Variants in DOCK8 observed in about 807,000 individuals in gnomAD.
DOCK8 encodes dedicator of cytokinesis protein 8.
A neutral mutation model predicts 245.6 loss-of-function variants in DOCK8; 141 were observed. The observed-to-expected ratio is 0.57, with a 90% confidence interval of 0.50 to 0.66. The LOEUF (loss-of-function observed/expected upper bound fraction) is 0.66. Ranked by LOEUF, DOCK8 falls within the 30% of genes least tolerant of loss-of-function variation. The probability of loss-of-function intolerance (pLI) is 0.00; values close to 1 mark genes in which losing one functional copy is unlikely to be tolerated. For synonymous variants in DOCK8, 1,168 were observed against 970.2 expected (o/e 1.20, Z -3.79); for missense variants, 2,965 against 2,603.4 (o/e 1.14, Z -3.02).
intron 26 of DOCK8, among the ~76,000 whole-genome samples, chr9:400,674 T>C (rs1345959637): frequency 8.5e-4 from 8 of 9,364 alleles, no homozygotes; most frequent in East Asian, 4.0e-3. Flanking sequence ...ACCAGCATCT[T>C]CACCATCACC....
At chr9:365,892 A>G (rs1032079025) in intron 14 of DOCK8, 11 of 322,734 alleles carry the variant, frequency 3.4e-5, no homozygotes, top group Non-Finnish European at 6.7e-5. Context: ...GTCTTCCATC[A>G]TCATTTACTA....
At chr9:356,316 C>T (rs574940781) in intron 14 of DOCK8, among the ~76,000 whole-genome samples, 3 of 152,050 alleles carry the variant, frequency 2.0e-5, no homozygotes, top group Admixed American at 6.5e-5. Flanking sequence ...ATCACGAGGT[C>T]AGGAGATTGA....
At chr9:451,046 C>T (rs2057414913) in intron 45 of DOCK8, among the ~76,000 whole-genome samples, 2 of 152,118 alleles carry the variant, frequency 1.3e-5, no homozygotes. Flanking sequence ...GGCTCAGTGG[C>T]TCATGCCTAT....
In DOCK8 at chr9:432,307, A is replaced by T. The variant is rs753993550; in HGVS notation, c.4768A>T (p.Thr1590Ser). The stretch of plus-strand genomic sequence containing the variant: ...AGAAGAGGACACAGCCATGCAGATG[A>T]CTCCTTTTCCCACCCAGGTACACCG... ...YSEEDTAMQM[T>S]PFPTQVEELL... The change falls in exon 37 of 48, where the codon ACT (threonine) becomes TCT (serine). Residue 1590 changes from threonine to serine, a missense_variant. Coordinates refer to ENST00000432829, the MANE Select transcript of DOCK8 (RefSeq NM_203447.4). 2.6e-5 allele frequency: 42 copies of T among 1,613,402 alleles called. No individual in the cohort carries two copies. Among genetic ancestry groups the T allele is most frequent in the Non-Finnish European group, 3.3e-5 (39 of 1,179,890 alleles).
At position 372,275 on chromosome 9, in the gene DOCK8, C is replaced by T; in HGVS notation, c.2098C>T (p.His700Tyr). 6.2e-7 allele frequency: 1 copy of T among 1,613,680 alleles called. No individual in the cohort carries two copies. The highest frequency in any genetic ancestry group is 8.5e-7 in the Non-Finnish European group (1 of 1,179,674). Reference protein sequence around the residue: ...LEKLPPNYSMHSAEKVPLQNP... With the variant: ...LEKLPPNYSMYSAEKVPLQNP... Reference sequence around the variant, plus strand: ...AAAATTGCCACCCAACTACTCCATGCATTCTGCTGAGGTAATTGGCAAGCT... The same window carrying T: ...AAAATTGCCACCCAACTACTCCATGTATTCTGCTGAGGTAATTGGCAAGCT... Residue 700 changes from histidine to tyrosine, a missense_variant, in exon 18 of 48, where the codon CAT (histidine) becomes TAT (tyrosine). Physicochemically the swap from His to Tyr is moderately conservative, Grantham distance 83. Transcript: ENST00000432829.
chr9:248,504 C>T (rs576486239), intron 1 of DOCK8, among the ~76,000 whole-genome samples: 1 of 151,602 alleles, frequency 6.6e-6, no homozygotes, highest in African/African-American at 2.4e-5. Context: ...TCCTTCCTTG[C>T]CTCCTTCCAT....
Position 405,081 on chromosome 9 carries a change from AAG to A in DOCK8, c.3390+10_3390+11del. Reference sequence around the variant, plus strand: ...CCTTCCATATCTTCCCAGGTAATAAAAGAATTATTTAACTAAAAGAATTATTC... The same window carrying A: ...CCTTCCATATCTTCCCAGGTAATAAAAATTATTTAACTAAAAGAATTATTC... On this transcript the variant is annotated intron_variant, in intron 27 of 47. Transcript: ENST00000432829. 1 of 1,610,460 alleles carries A rather than the reference AAG, an allele frequency of 6.2e-7. No homozygotes were observed. Among genetic ancestry groups the A allele is most frequent in the Non-Finnish European group, 8.5e-7 (1 of 1,177,284 alleles).
Position 464,204 on chromosome 9 carries a change from G to A in DOCK8, c.6285G>A (p.Leu2095=). The A allele has an allele frequency of 6.2e-7, 1 of 1,614,000 alleles. No individual in the cohort carries two copies. The highest frequency in any genetic ancestry group is 8.5e-7 in the Non-Finnish European group (1 of 1,179,884). Residue 2095 remains leucine (L), a synonymous_variant, in exon 48 of 48, where the codon TTG becomes TTA. Transcript: ENST00000432829. ...GTTTCAGGAAATGTGAAACCCAGTT[G>A]TCACAGGGCAGCTAAGAAAAGCCAT... ...RSSFRKCETQ[L]SQGS
chr9:274,574 A>C (rs999202138), intron 2 of DOCK8, among the ~76,000 whole-genome samples: 1 of 151,390 alleles, frequency 6.6e-6, no homozygotes, highest in African/African-American at 2.4e-5. Context: ...TGTCAGAATG[A>C]AGTGGCTGTT....
chr9:426,821 T>A, intron 33 of DOCK8, 64 bp from the exon 34 acceptor site: 15 of 1,294,260 alleles, frequency 1.2e-5, no homozygotes, highest in Non-Finnish European at 1.7e-5. Flanking sequence ...GTGTATAGAT[T>A]GCCATCATGG....
At chr9:428,972 A>G (rs10465087) in intron 35 of DOCK8, among the ~76,000 whole-genome samples, 85,998 of 152,030 alleles carry the variant, frequency 0.57, 26,795 homozygotes, top group East Asian at 0.98. Flanking sequence ...TTATTTATTT[A>G]TTTATTTATT....
At chr9:327,492 C>A (rs1208996613) in intron 8 of DOCK8, among the ~76,000 whole-genome samples, 2 of 150,074 alleles carry the variant, frequency 1.3e-5, no homozygotes, top group Non-Finnish European at 2.9e-5. Flanking sequence ...CTCCCGGGTT[C>A]AAGTGATCCA....
chr9:397,232 A>G (rs1014157894), intron 25 of DOCK8, among the ~76,000 whole-genome samples: 1 of 151,650 alleles, frequency 6.6e-6, no homozygotes, highest in East Asian at 1.9e-4. Flanking sequence ...CATATCTGTA[A>G]TCCCAGCAAC....
chr9:424,313 C>T (rs1049239241), intron 33 of DOCK8, among the ~76,000 whole-genome samples: 2 of 152,098 alleles, frequency 1.3e-5, no homozygotes, highest in Non-Finnish European at 2.9e-5. Context: ...TCCAGCAGGA[C>T]CCAGAAATCA....
chr9:427,500 T>C (rs977061542), intron 34 of DOCK8, among the ~76,000 whole-genome samples: 2 of 152,238 alleles, frequency 1.3e-5, no homozygotes, highest in Non-Finnish European at 2.9e-5. Context: ...TAGAAAAATA[T>C]AGCTTTGTGA....
intron 26 of DOCK8, among the ~76,000 whole-genome samples, chr9:403,892 C>CTCTCTCTCTCTATA (rs1362630372): frequency 1.4e-5 from 1 of 73,784 alleles, no homozygotes; most frequent in African/African-American, 7.7e-5. Flanking sequence ...CTCTCTCTCT[C>CTCTCTCTCTCTATA]TATATATATA....
chr9:374,022 G>C (rs1563979568), intron 18 of DOCK8, among the ~76,000 whole-genome samples: 1 of 152,196 alleles, frequency 6.6e-6, no homozygotes. Context: ...GAATGTTGGT[G>C]AGTTGCTTAC....
intron 40 of DOCK8, among the ~76,000 whole-genome samples, chr9:440,423 A>G (rs902232526): frequency 5.3e-5 from 8 of 152,176 alleles, no homozygotes; most frequent in African/African-American, 1.4e-4. Flanking sequence ...CATCTATACT[A>G]TACTCATCCT....
At chr9:395,966 A>G (rs1209501876) in intron 24 of DOCK8, among the ~76,000 whole-genome samples, 1 of 152,134 alleles carries the variant, frequency 6.6e-6, no homozygotes, top group Non-Finnish European at 1.5e-5. Flanking sequence ...ATATGTAACC[A>G]CAGTATACAC....
Sources: gnomAD v4.1 joint callset for allele counts (sites outside exome capture counted in the v4.1 genomes callset) on GRCh38, gnomAD v4.1.1 for gene constraint, MANE v1.5 for transcripts, NCBI Gene and HGNC (gene_info 2026-07-23, HGNC 2026-07-21) for gene names.